Variants in USP6NL observed in about 807,000 individuals in gnomAD.
USP6NL encodes USP6 N-terminal-like protein.
USP6NL carries 26 observed loss-of-function variants against 61.9 expected under a neutral mutation model. That is an observed-to-expected ratio of 0.42 (90% confidence interval 0.31 to 0.58). The LOEUF (loss-of-function observed/expected upper bound fraction) is 0.58, where lower values mean the gene tolerates loss of function less well. USP6NL is among the 20% of genes least tolerant of loss of function. The pLI, the probability that USP6NL is intolerant of heterozygous loss-of-function variation, is 0.16. For missense variants in USP6NL, 1,114 were observed against 1,034.3 expected (o/e 1.08, Z -1.06); for synonymous variants, 432 against 390.1 (o/e 1.11, Z -1.27).
chr10:11,550,549 A>G (rs1836442603), intron 2 of USP6NL, among the ~76,000 whole-genome samples: 1 of 152,120 alleles, frequency 6.6e-6, no homozygotes. Flanking sequence ...TGAGGTCAGG[A>G]GTTCAAGACC....
At chr10:11,506,638 G>A (rs1156940186) in intron 6 of USP6NL, among the ~76,000 whole-genome samples, 18 of 151,512 alleles carry the variant, frequency 1.2e-4, no homozygotes, top group Non-Finnish European at 4.4e-5. Flanking sequence ...AACAGAGACC[G>A]TGTCTCTCAA....
Position 11,600,932 on chromosome 10 carries a change from C to T in USP6NL, c.-83-3215G>A, listed in dbSNP as rs930612848. On this transcript the variant is annotated intron_variant, in intron 1 of 14. Transcript: ENST00000609104. This position sits in a 1 kb window ranked among gnomAD's most constrained non-coding sequence, Gnocchi z 4.1. Reference sequence around the variant, plus strand: ...GCAGTAAGCCAAGATCGCACCACTGCACTCCAGCCTGGGCAACAGAGCAAG... The same window carrying T: ...GCAGTAAGCCAAGATCGCACCACTGTACTCCAGCCTGGGCAACAGAGCAAG... Among the ~76,000 whole-genome samples the T allele has an allele frequency of 1.3e-5, 2 of 151,812 alleles. No individual in the cohort carries two copies. The highest frequency in any genetic ancestry group is 4.8e-5 in the African/African-American group (2 of 41,276).
intron 2 of USP6NL, among the ~76,000 whole-genome samples, chr10:11,576,810 C>A (rs892703417): frequency 3.3e-5 from 5 of 152,194 alleles, no homozygotes; most frequent in African/African-American, 7.2e-5. Context: ...TGATATTATT[C>A]AGAAATGTCC....
intron 2 of USP6NL, among the ~76,000 whole-genome samples, chr10:11,557,987 G>T (rs1322498003): frequency 1.3e-5 from 2 of 152,212 alleles, no homozygotes; most frequent in Non-Finnish European, 2.9e-5. Context: ...CTAAGTGAAT[G>T]AAGTATACAG....
intron 13 of USP6NL, among the ~76,000 whole-genome samples, chr10:11,483,487 G>GGGGGA (rs1469260179): frequency 1.6e-5 from 2 of 124,810 alleles, no homozygotes; most frequent in Admixed American, 8.0e-5. Flanking sequence ...AGAAAGTGGG[G>GGGGGA]GGGGAGGGGA....
intron 2 of USP6NL, among the ~76,000 whole-genome samples, chr10:11,551,477 C>T (rs1164728373): frequency 2.6e-5 from 4 of 152,156 alleles, no homozygotes; most frequent in Non-Finnish European, 4.4e-5. Context: ...GGACAGTGCC[C>T]GACATCTAAT....
chr10:11,470,540 T>A lies in USP6NL; in HGVS notation c.1079-6691A>T, dbSNP rs1353449146. On this transcript the variant is annotated intron_variant, in intron 14 of 14. Coordinates refer to ENST00000609104, the MANE Select transcript of USP6NL (RefSeq NM_014688.5). This position sits in a 1 kb window ranked among gnomAD's most constrained non-coding sequence, Gnocchi z 5.4. Reference sequence around the variant, plus strand: ...TTTTTATATGCCAATTAGTATTCTCTACCCTTCTTCACAGAAGTAGGTCCA... The same window carrying A: ...TTTTTATATGCCAATTAGTATTCTCAACCCTTCTTCACAGAAGTAGGTCCA... 6.6e-6 allele frequency among the ~76,000 whole-genome samples: 1 copy of A among 152,230 alleles called. No homozygotes were observed. Among genetic ancestry groups the A allele is most frequent in the Non-Finnish European group, 1.5e-5 (1 of 68,040 alleles).
At chr10:11,571,528 A>AT (rs1264602496) in intron 2 of USP6NL, among the ~76,000 whole-genome samples, 2 of 152,142 alleles carry the variant, frequency 1.3e-5, no homozygotes, top group African/African-American at 4.8e-5. Flanking sequence ...TTCTAGGATA[A>AT]TTTTCTCTTC....
At chr10:11,543,898 G>C (rs192472340) in intron 2 of USP6NL, among the ~76,000 whole-genome samples, 1 of 123,814 alleles carries the variant, frequency 8.1e-6, no homozygotes, top group Admixed American at 1.1e-4. Flanking sequence ...TGCAACCTCC[G>C]CCTCCTGGGT....
rs556140319 is a variant in USP6NL at position 11,584,911 on chromosome 10, C to T, written c.4+12720G>A. ...CGAGATCATGCCACTGCACTCCAGC[C>T]TAGTTGACAGAGCAAGACCCCTGTC... On this transcript the variant is annotated intron_variant, in intron 2 of 14. Coordinates refer to ENST00000609104, the MANE Select transcript of USP6NL (RefSeq NM_014688.5). Among the ~76,000 whole-genome samples the T allele has an allele frequency of 8.5e-5, 13 of 152,190 alleles. No individual in the cohort carries two copies. The East Asian group carries it at 2.1e-3, about 25-fold the overall frequency.
rs2133660979 is a variant in USP6NL, at chr10:11,596,470, A to C, written c.4+1161T>G. Among the ~76,000 whole-genome samples the C allele has an allele frequency of 6.6e-6, 1 of 152,098 alleles. No homozygotes were observed. The highest frequency in any genetic ancestry group is 2.1e-4 in the South Asian group (1 of 4,810). On this transcript the variant is annotated intron_variant, in intron 2 of 14. Coordinates refer to ENST00000609104, the MANE Select transcript of USP6NL (RefSeq NM_014688.5). This position sits in a 1 kb window ranked among gnomAD's most constrained non-coding sequence, Gnocchi z 4.1. The stretch of plus-strand genomic sequence containing the variant: ...CCCCGTCTCTACTAAAAATACAAAA[A>C]AAAATTAGCTGGGCCTGGTGGCGGG...
At position 11,596,303 on chromosome 10, in the gene USP6NL, GT is replaced by G. The variant is rs1054503737; in HGVS notation, c.4+1327del. 6.6e-6 allele frequency among the ~76,000 whole-genome samples: 1 copy of G among 152,134 alleles called. No individual in the cohort carries two copies. The highest frequency in any genetic ancestry group is 2.4e-5 in the African/African-American group (1 of 41,414). On this transcript the variant is annotated intron_variant, in intron 2 of 14. Transcript: ENST00000609104. The surrounding 1 kb of genome is among the most constrained non-coding windows in gnomAD (Gnocchi z 4.1). ...CATTAGATAAACTTTCTCACAAAAT[GT>G]CATGATTGGAGCTGAAATAACAAAA...
rs1475958381 is a variant in USP6NL, at chr10:11,591,206, G to A, written c.4+6425C>T. ...GAGGCCAGCCACTGGAAAACTTACT[G>A]CTTTCAGAATGGAATTCGAAATAGT... On this transcript the variant is annotated intron_variant, in intron 2 of 14. Coordinates refer to ENST00000609104, the MANE Select transcript of USP6NL (RefSeq NM_014688.5). This position sits in a 1 kb window ranked among gnomAD's most constrained non-coding sequence, Gnocchi z 4.7. Among the ~76,000 whole-genome samples, 1 of 152,140 alleles carries A rather than the reference G, an allele frequency of 6.6e-6. No individual in the cohort carries two copies. The highest frequency in any genetic ancestry group is 2.4e-5 in the African/African-American group (1 of 41,416).
At chr10:11,567,950 C>CT (rs1172459471) in intron 2 of USP6NL, among the ~76,000 whole-genome samples, 1 of 152,164 alleles carries the variant, frequency 6.6e-6, no homozygotes, top group Non-Finnish European at 1.5e-5. Flanking sequence ...ATCGAGACCT[C>CT]TGTCTGTCTG....
intron 2 of USP6NL, among the ~76,000 whole-genome samples, chr10:11,543,563 GA>G (rs902084173): frequency 2.7e-5 from 4 of 149,446 alleles, no homozygotes; most frequent in African/African-American, 7.4e-5. Flanking sequence ...AAGAAAAAAA[GA>G]AAAAAAAAGA....
At position 11,513,558 on chromosome 10, in the gene USP6NL, G is replaced by C. The variant is rs994736765; in HGVS notation, c.196-3883C>G. Among the ~76,000 whole-genome samples, 5 of 152,204 alleles carry C rather than the reference G, an allele frequency of 3.3e-5. No individual in the cohort carries two copies. The highest frequency in any genetic ancestry group is 2.0e-4 in the Admixed American group (3 of 15,278). On this transcript the variant is annotated intron_variant, in intron 5 of 14. Transcript: ENST00000609104. This position sits in a 1 kb window ranked among gnomAD's most constrained non-coding sequence, Gnocchi z 4.7. ...TTATAAATGCTTCATGAGACCCACAGATTATTAACCTTTTGCTAGATTTCA... is the reference window on the plus strand; with the variant it reads ...TTATAAATGCTTCATGAGACCCACACATTATTAACCTTTTGCTAGATTTCA...
chr10:11,564,604 T>A (rs1837057952), intron 2 of USP6NL: 1 of 152,196 alleles, frequency 6.6e-6, no homozygotes, highest in Non-Finnish European at 1.5e-5. Flanking sequence ...GGTACGACCC[T>A]CTAGAAAATA....
At chr10:11,472,501 T>A (rs558441980) in intron 14 of USP6NL, among the ~76,000 whole-genome samples, 3 of 152,336 alleles carry the variant, frequency 2.0e-5, no homozygotes, top group African/African-American at 7.2e-5. Flanking sequence ...ATACACACAC[T>A]CTGACTGTTC....
intron 2 of USP6NL, among the ~76,000 whole-genome samples, chr10:11,549,621 T>C (rs1649031847): frequency 6.6e-6 from 1 of 152,212 alleles, no homozygotes; most frequent in Admixed American, 6.5e-5. Flanking sequence ...TGAGTATAAG[T>C]AGTCACTGTA....
Sources: allele counts gnomAD v4.1 joint callset (sites outside exome capture counted in the v4.1 genomes callset), GRCh38; gene constraint gnomAD v4.1.1; non-coding constraint Gnocchi (gnomAD v3.1); transcripts MANE v1.5; gene names NCBI Gene and HGNC (gene_info 2026-07-23, HGNC 2026-07-21).